The following GRID2 variants were observed in gnomAD, a reference collection of about 807,000 sequenced individuals.
GRID2 encodes glutamate ionotropic receptor delta type subunit 2.
In GRID2, 33 loss-of-function variants were observed where a neutral mutation model predicts 114.8. That is an observed-to-expected ratio of 0.29 (90% CI 0.22 to 0.38). The LOEUF (loss-of-function observed/expected upper bound fraction) is 0.38. Ranked by LOEUF, GRID2 falls within the 10% of genes least tolerant of loss-of-function variation. The pLI, the probability that GRID2 is intolerant of heterozygous loss-of-function variation, is 1.00. For synonymous variants in GRID2, 505 were observed against 449.9 expected, an observed-to-expected ratio of 1.12 and a Z score of -1.55; for missense variants, 1,184 against 1,257.7, an observed-to-expected ratio of 0.94 and a Z score of 0.89.
rs1018013280 is a variant in GRID2 at position 92,796,423 on chromosome 4, C to T, written c.244+206137C>T. On this transcript the variant is annotated intron_variant, in intron 2 of 15. Transcript: ENST00000282020. ...CATTGTCCCAGCCTTCTTGTACAAC[C>T]GAAAGACTGACAGCTCGTGTTCATC... Among the ~76,000 whole-genome samples the T allele has an allele frequency of 5.3e-5, 8 of 151,948 alleles. No individual in the cohort carries two copies. The South Asian group carries it at 8.3e-4, about 16-fold the overall frequency.
intron 14 of GRID2, among the ~76,000 whole-genome samples, chr4:93,634,539 C>G (rs1721243691): frequency 6.6e-6 from 1 of 152,042 alleles, no homozygotes; most frequent in Non-Finnish European, 1.5e-5. Flanking sequence ...GAAACTGAGC[C>G]TCAGACTTAA....
At chr4:93,657,130 G>A (rs993816946) in intron 14 of GRID2, among the ~76,000 whole-genome samples, 2 of 151,894 alleles carry the variant, frequency 1.3e-5, no homozygotes, top group East Asian at 3.9e-4. Context: ...ATCTATTTAA[G>A]AATAAGAAAT....
intron 1 of GRID2, among the ~76,000 whole-genome samples, chr4:92,442,791 C>A (rs1252496376): frequency 6.6e-6 from 1 of 152,032 alleles, no homozygotes; most frequent in Non-Finnish European, 1.5e-5. Flanking sequence ...AGAGCCTAAA[C>A]GCTATCTGAT....
chr4:92,619,910 C>T lies in GRID2; in HGVS notation c.244+29624C>T, dbSNP rs147813168. Among the ~76,000 whole-genome samples the T allele has an allele frequency of 4.0e-3, 612 of 151,402 alleles. 7 individuals are homozygous for T. Among genetic ancestry groups the T allele is most frequent in the African/African-American group, 0.014 (576 of 41,352 alleles). On this transcript the variant is annotated intron_variant, in intron 2 of 15. Coordinates refer to ENST00000282020, the MANE Select transcript of GRID2 (RefSeq NM_001510.4). ...GTTACACATGCCTTTTTTTTTCCCC[C>T]ACAGGAGGGATAGAGAAATTTAGAC...
chr4:93,284,090 T>C (rs1306417726), intron 8 of GRID2, among the ~76,000 whole-genome samples: 1 of 152,110 alleles, frequency 6.6e-6, no homozygotes, highest in African/African-American at 2.4e-5. Context: ...TTTTCTACTT[T>C]TTCTTATCTT....
chr4:93,667,452 A>G (rs574926705), intron 14 of GRID2, among the ~76,000 whole-genome samples: 2 of 151,524 alleles, frequency 1.3e-5, no homozygotes, highest in South Asian at 4.2e-4. Context: ...GGTACCACCT[A>G]TGGAGAAGAC....
chr4:93,021,170 A>T (rs1723247525), intron 2 of GRID2, among the ~76,000 whole-genome samples: 1 of 152,080 alleles, frequency 6.6e-6, no homozygotes, highest in South Asian at 2.1e-4. Context: ...CATATAAAAT[A>T]TAAATGCCTG....
At chr4:93,345,706 A>G (rs1312582935) in intron 8 of GRID2, among the ~76,000 whole-genome samples, 1 of 152,066 alleles carries the variant, frequency 6.6e-6, no homozygotes, top group East Asian at 1.9e-4. Flanking sequence ...AGCCCAAAAA[A>G]AATCCTTGCC....
At chr4:92,849,566 C>G (rs1271176341) in intron 2 of GRID2, among the ~76,000 whole-genome samples, 2 of 151,832 alleles carry the variant, frequency 1.3e-5, no homozygotes, top group African/African-American at 4.8e-5. Flanking sequence ...TTGATAGTTA[C>G]CTCACATTGT....
intron 2 of GRID2, among the ~76,000 whole-genome samples, chr4:92,846,521 T>C (rs931501011): frequency 2.6e-5 from 4 of 152,146 alleles, no homozygotes; most frequent in Non-Finnish European, 5.9e-5. Context: ...GTAATATCCC[T>C]TTGCTTACAG....
chr4:93,786,174 G>A (rs777032331), intron 1 of GRID2, among the ~76,000 whole-genome samples: 10 of 152,218 alleles, frequency 6.6e-5, no homozygotes, highest in Admixed American at 1.3e-4. Flanking sequence ...ATATCCATGA[G>A]AACCAGCAAC....
intron 8 of GRID2, among the ~76,000 whole-genome samples, chr4:93,340,177 A>T (rs1304065002): frequency 6.6e-6 from 1 of 151,086 alleles, no homozygotes; most frequent in African/African-American, 2.4e-5. Context: ...TAGCACATGA[A>T]AACTTTTAAA....
chr4:93,279,665 G>A (rs116186481), intron 8 of GRID2, among the ~76,000 whole-genome samples: 57 of 151,844 alleles, frequency 3.8e-4, no homozygotes, highest in East Asian at 2.7e-3. Context: ...ATTTTGCTCC[G>A]TTTAAAGACC....
intron 1 of GRID2, among the ~76,000 whole-genome samples, chr4:92,581,714 A>G (rs1011566836): frequency 6.6e-6 from 1 of 152,118 alleles, no homozygotes; most frequent in Non-Finnish European, 1.5e-5. Context: ...TTCTTGGTCT[A>G]TGATTTAGAC....
chr4:93,403,291 A>G (rs1364165916), intron 9 of GRID2, among the ~76,000 whole-genome samples: 1 of 152,178 alleles, frequency 6.6e-6, no homozygotes, highest in Non-Finnish European at 1.5e-5. Flanking sequence ...ATGGAAATAC[A>G]CAGGATAGCA....
At chr4:93,388,331 T>G (rs969520130) in intron 8 of GRID2, among the ~76,000 whole-genome samples, 1 of 152,200 alleles carries the variant, frequency 6.6e-6, no homozygotes, top group Non-Finnish European at 1.5e-5. Context: ...ATCATCTTCA[T>G]AACTTTACAC....
intron 2 of GRID2, among the ~76,000 whole-genome samples, chr4:92,880,201 T>C (rs1407883431): frequency 6.6e-6 from 1 of 152,202 alleles, no homozygotes; most frequent in African/African-American, 2.4e-5. Context: ...CAGGTAGGGA[T>C]GAAAATGAAA....
chr4:93,086,888 T>C (rs539164845), intron 3 of GRID2, among the ~76,000 whole-genome samples: 4 of 152,228 alleles, frequency 2.6e-5, no homozygotes, highest in African/African-American at 7.2e-5. Context: ...ATAACTTAAA[T>C]GGTATTTTCT....
At chr4:92,604,447 C>A (rs978327239) in intron 2 of GRID2, among the ~76,000 whole-genome samples, 2 of 152,026 alleles carry the variant, frequency 1.3e-5, no homozygotes, top group Non-Finnish European at 2.9e-5. Flanking sequence ...AACAGAGAAC[C>A]AAACACCACC....
Sources: gnomAD v4.1 joint callset for allele counts (sites outside exome capture counted in the v4.1 genomes callset) on GRCh38, gnomAD v4.1.1 for gene constraint, MANE v1.5 for transcripts, NCBI Gene and HGNC (gene_info 2026-07-23, HGNC 2026-07-21) for gene names.